The following FHDC1 variants were observed in gnomAD, a reference collection of about 807,000 sequenced individuals.
FHDC1 encodes FH2 domain-containing protein 1.
A neutral mutation model predicts 52.6 loss-of-function variants in FHDC1; 25 were observed. That is an observed-to-expected ratio of 0.48 (90% confidence interval 0.35 to 0.66). The LOEUF is 0.66. Among genes scored for constraint, FHDC1 ranks in the 30% least tolerant of loss-of-function variants. The probability of loss-of-function intolerance (pLI) is 0.01; values close to 1 mark genes in which losing one functional copy is unlikely to be tolerated. For synonymous variants in FHDC1, 616 were observed against 581.5 expected (o/e 1.06, Z -0.85); for missense variants, 1,459 against 1,452.8 (o/e 1.00, Z -0.07).
the FHDC1 span, among the ~76,000 whole-genome samples, chr4:152,916,751 G>C: frequency 2.0e-5 from 3 of 151,888 alleles, no homozygotes; most frequent in Non-Finnish European, 4.4e-5. Flanking sequence ...ATTTGTATTT[G>C]GAAACAGAAA....
chr4:152,955,540 A>G (rs765934484), intron 4 of FHDC1, among the ~76,000 whole-genome samples: 2 of 152,170 alleles, frequency 1.3e-5, no homozygotes, highest in Non-Finnish European at 2.9e-5. Flanking sequence ...CCCAGGCTGG[A>G]GTGCAGTGAT....
At chr4:152,913,385 T>C in the FHDC1 span, among the ~76,000 whole-genome samples, 1 of 152,186 alleles carries the variant, frequency 6.6e-6, no homozygotes, top group Non-Finnish European at 1.5e-5. Flanking sequence ...TTGAAAAAAC[T>C]AAAGATAAAT....
At chr4:152,934,942 C>T (rs1218768609), upstream of FHDC1, among the ~76,000 whole-genome samples, 1 of 152,178 alleles carries the variant, frequency 6.6e-6, no homozygotes, top group African/African-American at 2.4e-5. Flanking sequence ...CCACTCAACT[C>T]CTCACTTTCG....
chr4:152,964,338 C>A (rs1377514245), intron 8 of FHDC1, among the ~76,000 whole-genome samples: 2 of 152,222 alleles, frequency 1.3e-5, no homozygotes, highest in Non-Finnish European at 2.9e-5. Context: ...CCTTGCCCAG[C>A]AAGGGTCGTG....
chr4:152,975,291 C>T lies in FHDC1; in HGVS notation c.2000C>T (p.Ala667Val). The T allele has an allele frequency of 1.2e-6, 2 of 1,613,676 alleles. No individual in the cohort carries two copies. The highest frequency in any genetic ancestry group is 1.7e-6 in the Non-Finnish European group (2 of 1,180,044). The change falls in exon 12 of 12, where the codon GCT (alanine) becomes GTT (valine). Residue 667 changes from alanine to valine, a missense_variant. By Grantham distance (64) the Ala-to-Val change is moderately conservative. This residue lies in a region of FHDC1 where 939 missense variants were observed against 854.5 expected (regional missense o/e 1.10). Transcript: ENST00000511601. ...SAQSPPLSPL[A>V]LGIKEHELVT... ...CAGTCCCCTCCTCTCTCGCCATTGG[C>T]TCTGGGAATTAAGGAGCATGAGCTG...
chr4:152,935,072 A>G (rs895332494), upstream of FHDC1, among the ~76,000 whole-genome samples: 2 of 152,070 alleles, frequency 1.3e-5, no homozygotes, highest in Non-Finnish European at 2.9e-5. Flanking sequence ...AGATTTTAAG[A>G]TTTTCTTAAT....
chr4:152,917,207 C>A, the FHDC1 span: 3 of 152,172 alleles, frequency 2.0e-5, no homozygotes, highest in African/African-American at 7.2e-5. Context: ...ATGGTTTTTT[C>A]TGTCTCAATT....
intron 4 of FHDC1, among the ~76,000 whole-genome samples, chr4:152,959,364 C>G (rs1207899490): frequency 1.3e-5 from 2 of 152,230 alleles, no homozygotes; most frequent in Non-Finnish European, 1.5e-5. Flanking sequence ...TCTCCACTCT[C>G]ACCTATTTGC....
At chr4:152,959,739 G>T (rs759812956) in intron 4 of FHDC1, among the ~76,000 whole-genome samples, 2 of 152,128 alleles carry the variant, frequency 1.3e-5, no homozygotes, top group Non-Finnish European at 2.9e-5. Flanking sequence ...ATGTAGGTGT[G>T]TGCATGGGAG....
Position 152,976,623 on chromosome 4 carries a change from C to T in FHDC1, c.3332C>T (p.Ala1111Val). The stretch of plus-strand genomic sequence containing the variant: ...GAGGGTCCCAGTGCCAACACGGAGG[C>T]CCCTCTGAAGGCCAGAGGGGCTGGG... Reference protein sequence around the residue: ...SAEGPSANTEAPLKARGAGER... With the variant: ...SAEGPSANTEVPLKARGAGER... Residue 1111 changes from alanine to valine, a missense_variant, in exon 12 of 12, where the codon GCC becomes GTC. Ala to Val is a moderately conservative substitution (Grantham distance 64). Transcript: ENST00000511601. 1 of 1,607,784 alleles carries T rather than the reference C, an allele frequency of 6.2e-7. No individual in the cohort carries two copies. The highest frequency in any genetic ancestry group is 8.5e-7 in the Non-Finnish European group (1 of 1,176,974).
intron 9 of FHDC1, among the ~76,000 whole-genome samples, chr4:152,966,681 C>T (rs1304509832): frequency 6.6e-6 from 1 of 152,102 alleles, no homozygotes; most frequent in Admixed American, 6.5e-5. Context: ...AGGCTGGTCT[C>T]GAACTTCTGA....
chr4:152,974,052 A>G (rs1740758528), intron 11 of FHDC1, among the ~76,000 whole-genome samples: 1 of 152,234 alleles, frequency 6.6e-6, no homozygotes, highest in Admixed American at 6.5e-5. Flanking sequence ...TGCTTTACCA[A>G]GGAGCAGTCA....
the FHDC1 span, among the ~76,000 whole-genome samples, chr4:152,930,964 CA>C: frequency 2.8e-5 from 2 of 70,722 alleles, no homozygotes; most frequent in Non-Finnish European, 7.2e-5. Flanking sequence ...CCCAGGGAAA[CA>C]CACACACACA....
At chr4:152,974,581 T>C in intron 11 of FHDC1, 94 bp from the exon 12 acceptor site, 1 of 1,474,098 alleles carries the variant, frequency 6.8e-7, no homozygotes, top group Non-Finnish European at 9.0e-7. Context: ...CCTCCATGCC[T>C]GTATCTTTCT....
the FHDC1 span, among the ~76,000 whole-genome samples, chr4:152,915,349 C>T: frequency 6.6e-6 from 1 of 152,164 alleles, no homozygotes; most frequent in African/African-American, 2.4e-5. Context: ...CTTCAATATA[C>T]GTAATTCCTC....
rs562240219 is a variant in FHDC1, at chr4:152,977,927, A to T, written c.*1204A>T. 1 of 152,066 alleles carries T rather than the reference A, an allele frequency of 6.6e-6. No homozygotes were observed. Among genetic ancestry groups the T allele is most frequent in the South Asian group, 2.1e-4 (1 of 4,806 alleles). The allele number at this position is 152,066 out of a possible 1,614,324, so 9.4% of individuals were successfully genotyped here. A position where few individuals can be genotyped will look rare whatever the true frequency, so the allele number is the denominator to read the frequency against. On this transcript the variant is annotated 3_prime_UTR_variant, in exon 12 of 12. Coordinates refer to ENST00000511601, the MANE Select transcript of FHDC1 (RefSeq NM_001371116.1). The stretch of plus-strand genomic sequence containing the variant: ...TGGCTTGCCCACTTCTCCGTGCATG[A>T]CTCTGGGTGTGAGTCTGTCTAGGAA...
At chr4:152,932,223 A>T (rs1276742860), upstream of FHDC1, among the ~76,000 whole-genome samples, 5 of 16,644 alleles carry the variant, frequency 3.0e-4, no homozygotes, top group African/African-American at 1.6e-3. Context: ...GTCTCTATTA[A>T]AAAAAAATTA....
At chr4:152,973,668 A>G (rs1381014070) in intron 11 of FHDC1, among the ~76,000 whole-genome samples, 1 of 152,264 alleles carries the variant, frequency 6.6e-6, no homozygotes, top group Non-Finnish European at 1.5e-5. Flanking sequence ...CCAGAGCTGC[A>G]GGCGGAGCCA....
the FHDC1 span, among the ~76,000 whole-genome samples, chr4:152,923,807 T>G: frequency 6.6e-6 from 1 of 152,026 alleles, no homozygotes; most frequent in Admixed American, 6.5e-5. Context: ...TAGCCATATG[T>G]AGAAAGCTGA....
Sources: gnomAD v4.1 joint callset for allele counts (sites outside exome capture counted in the v4.1 genomes callset) on GRCh38, gnomAD v4.1.1 for gene constraint, gnomAD v4.1.1 regional missense constraint, MANE v1.5 for transcripts, NCBI Gene and HGNC (gene_info 2026-07-23, HGNC 2026-07-21) for gene names.